The following IL1RAPL2 variants were observed in gnomAD, a reference collection of about 807,000 sequenced individuals.
The protein encoded by IL1RAPL2 is interleukin 1 receptor accessory protein like 2, also known as X-linked interleukin-1 receptor accessory protein-like 2.
In IL1RAPL2, 3 loss-of-function variants were observed where a neutral mutation model predicts 44.1. The ratio of observed to expected loss-of-function variants is 0.07; its 90% CI spans 0.03 to 0.18. The LOEUF (loss-of-function observed/expected upper bound fraction) is 0.18, where lower values mean the gene tolerates loss of function less well. IL1RAPL2 is among the 10% of genes least tolerant of loss of function. IL1RAPL2 has a pLI of 1.00. For synonymous variants in IL1RAPL2, 181 were observed against 178.8 expected (o/e 1.01, Z -0.10); for missense variants, 391 against 496.4 (o/e 0.79, Z 2.02).
intron 2 of IL1RAPL2, among the ~76,000 whole-genome samples, chrX:104,890,967 A>C (rs1480333260): frequency 8.9e-6 from 1 of 111,801 alleles, no homozygotes; most frequent in Non-Finnish European, 1.9e-5. Context: ...TCTTGAATTA[A>C]TTTTTGTATA....
chrX:105,416,045 T>C (rs2035730743), intron 5 of IL1RAPL2, among the ~76,000 whole-genome samples: 1 of 111,937 alleles, frequency 8.9e-6, no homozygotes, highest in African/African-American at 3.2e-5. Flanking sequence ...GATCTACTCA[T>C]TTCCAATTTG....
chrX:105,406,661 A>T lies in IL1RAPL2; in HGVS notation c.698-77652A>T. 32 of 1,143,731 alleles carry T rather than the reference A, an allele frequency of 2.8e-5. 1 individual carries two copies. In the South Asian group the frequency reaches 5.8e-4, roughly 21 times the overall value. The allele number at this position is 1,143,731 out of a possible 1,213,427, so 94.3% of individuals were successfully genotyped here. ...CAAATCTTTGCTGTGCAAATCTTGAATGAGCTGATCTCTGGATCAGTACTT... is the reference window on the plus strand; with the variant it reads ...CAAATCTTTGCTGTGCAAATCTTGATTGAGCTGATCTCTGGATCAGTACTT... On this transcript the variant is annotated intron_variant, in intron 5 of 10. Coordinates refer to ENST00000372582, the MANE Select transcript of IL1RAPL2 (RefSeq NM_017416.2).
At chrX:105,416,635 A>T (rs754216570) in intron 5 of IL1RAPL2, among the ~76,000 whole-genome samples, 1 of 112,169 alleles carries the variant, frequency 8.9e-6, no homozygotes, top group Non-Finnish European at 1.9e-5. Context: ...TACTACTGCT[A>T]CTATTTTCTC....
At chrX:105,363,308 A>AATATATATATATATATATAAT (rs2035266596) in intron 5 of IL1RAPL2, among the ~76,000 whole-genome samples, 3 of 68,562 alleles carry the variant, frequency 4.4e-5, no homozygotes, top group Admixed American at 1.5e-4. Context: ...ATATATATAT[A>AATATATATATATATATATAAT]ATATATATAT....
chrX:105,543,410 T>G (rs943298725), intron 6 of IL1RAPL2, among the ~76,000 whole-genome samples: 3 of 112,482 alleles, frequency 2.7e-5, no homozygotes, highest in South Asian at 3.7e-4. Context: ...ATGCTGCTTG[T>G]TTTTCCCTAT....
intron 2 of IL1RAPL2, among the ~76,000 whole-genome samples, chrX:104,877,773 CA>C (rs762847588): frequency 1.8e-5 from 2 of 110,908 alleles, no homozygotes; most frequent in East Asian, 5.7e-4. Context: ...GAGACATACC[CA>C]GGGGTAAAGG....
At chrX:105,675,741 G>A (rs1883094232) in intron 6 of IL1RAPL2, among the ~76,000 whole-genome samples, 1 of 111,156 alleles carries the variant, frequency 9.0e-6, no homozygotes, top group African/African-American at 3.3e-5. Flanking sequence ...AATGGTATCA[G>A]CTCCTCTTTA....
At chrX:105,062,057 G>C (rs1321693604) in intron 2 of IL1RAPL2, among the ~76,000 whole-genome samples, 1 of 111,386 alleles carries the variant, frequency 9.0e-6, no homozygotes, top group Non-Finnish European at 1.9e-5. Flanking sequence ...ACTTACTCCT[G>C]CTATTTTGTT....
chrX:105,590,869 G>T (rs1307215007), intron 6 of IL1RAPL2, among the ~76,000 whole-genome samples: 1 of 107,757 alleles, frequency 9.3e-6, no homozygotes, highest in Non-Finnish European at 1.9e-5. Flanking sequence ...TTGTGTGTGT[G>T]TGTGTGTGTG....
intron 2 of IL1RAPL2, among the ~76,000 whole-genome samples, chrX:104,893,137 GC>G (rs1026466979): frequency 6.2e-5 from 7 of 112,042 alleles, no homozygotes; most frequent in Non-Finnish European, 1.3e-4. Flanking sequence ...TAGTTTGATT[GC>G]ACTGTGGTCT....
At chrX:104,572,559 C>G (rs892076876) in intron 1 of IL1RAPL2, among the ~76,000 whole-genome samples, 15 of 111,835 alleles carry the variant, frequency 1.3e-4, no homozygotes, top group African/African-American at 4.2e-4. Flanking sequence ...TAATTTATCT[C>G]TCATACCTCA....
chrX:104,726,818 A>ATC (rs2147568205), intron 2 of IL1RAPL2, among the ~76,000 whole-genome samples: 1 of 110,870 alleles, frequency 9.0e-6, no homozygotes, highest in Non-Finnish European at 1.9e-5. Flanking sequence ...ATAGCCTCAT[A>ATC]GTATAATTTG....
At chrX:105,326,215 C>T (rs1032500649) in intron 5 of IL1RAPL2, among the ~76,000 whole-genome samples, 3 of 110,316 alleles carry the variant, frequency 2.7e-5, no homozygotes, top group Admixed American at 1.9e-4. Context: ...CCACATCTGG[C>T]TAATTTTTAA....
At chrX:105,608,788 TA>T (rs1170816587) in intron 6 of IL1RAPL2, among the ~76,000 whole-genome samples, 1 of 112,338 alleles carries the variant, frequency 8.9e-6, no homozygotes, top group Non-Finnish European at 1.9e-5. Context: ...AGTAATTTAT[TA>T]TACTTAAAAT....
intron 5 of IL1RAPL2, among the ~76,000 whole-genome samples, chrX:105,318,458 A>T (rs944999398): frequency 4.5e-5 from 5 of 111,578 alleles, no homozygotes; most frequent in South Asian, 3.7e-4. Flanking sequence ...GAGAAAAAAA[A>T]TTTTTTTGGA....
At chrX:104,632,648 G>A (rs1014112854) in intron 1 of IL1RAPL2, among the ~76,000 whole-genome samples, 4 of 107,142 alleles carry the variant, frequency 3.7e-5, no homozygotes, top group Admixed American at 1.0e-4. Flanking sequence ...CTGTTTGTCT[G>A]TTATTGGTGT....
At chrX:105,269,493 A>G (rs759733405) in intron 5 of IL1RAPL2, among the ~76,000 whole-genome samples, 14 of 111,349 alleles carry the variant, frequency 1.3e-4, no homozygotes, top group Non-Finnish European at 2.6e-4. Flanking sequence ...AGTGCCTTCT[A>G]TGAAAGTTTA....
intron 2 of IL1RAPL2, among the ~76,000 whole-genome samples, chrX:104,732,756 A>G (rs1002530510): frequency 1.8e-5 from 2 of 111,670 alleles, no homozygotes; most frequent in Non-Finnish European, 3.8e-5. Context: ...AAGAGGGAAA[A>G]TTCCCCTGAA....
intron 5 of IL1RAPL2, among the ~76,000 whole-genome samples, chrX:105,346,358 T>C (rs538314976): frequency 2.8e-4 from 31 of 112,202 alleles, no homozygotes; most frequent in Middle Eastern, 9.2e-3. Flanking sequence ...CTATGAGCAG[T>C]AATTTTTTTG....
Sources: allele counts gnomAD v4.1 joint callset (sites outside exome capture counted in the v4.1 genomes callset), GRCh38; gene constraint gnomAD v4.1.1; transcripts MANE v1.5; gene names NCBI Gene and HGNC (gene_info 2026-07-23, HGNC 2026-07-21).